FAT1: variants seen among roughly 807,000 people sequenced by gnomAD.
FAT1 encodes the protein FAT atypical cadherin 1.
FAT1 carries 171 observed loss-of-function variants against 329.8 expected under a neutral mutation model. That is an observed-to-expected ratio of 0.52 (90% CI 0.46 to 0.59). The LOEUF (loss-of-function observed/expected upper bound fraction) is 0.59, where lower values mean the gene tolerates loss of function less well. Ranked by LOEUF, FAT1 falls within the 20% of genes least tolerant of loss-of-function variation. The pLI, the probability that FAT1 is intolerant of heterozygous loss-of-function variation, is 0.00. For synonymous variants in FAT1, 2,233 were observed against 2,228.6 expected (o/e 1.00, Z -0.06); for missense variants, 5,672 against 5,774.4 (o/e 0.98, Z 0.57).
rs1744854758 is a variant in FAT1, at chr4:186,709,691, T to C, written c.137A>G (p.Asn46Ser). ...HLEYNVTVQE[N>S]SAAKTYVGHP... is the part of the protein sequence containing the mutation. ...CCCCACATAAGTCTTAGCTGCAGAG[T>C]TCTCCTGCACGGTGACGTTGTACTC... The change falls in exon 2 of 27, where the codon AAC becomes AGC. Residue 46 changes from asparagine to serine, a missense_variant. Physicochemically the swap from Asn to Ser is conservative, Grantham distance 46 (BLOSUM62 1). Around this residue, in one of 2 missense-constraint regions of FAT1, gnomAD observed 3,966 missense variants for 3,915.2 expected, o/e 1.01. Transcript: ENST00000441802. 1 of 1,613,974 alleles carries C rather than the reference T, an allele frequency of 6.2e-7. No individual in the cohort carries two copies. Among genetic ancestry groups the C allele is most frequent in the Admixed American group, 1.7e-5 (1 of 60,026 alleles).
chr4:186,720,391 G>A (rs375652897), intron 1 of FAT1, among the ~76,000 whole-genome samples: 11 of 149,322 alleles, frequency 7.4e-5, no homozygotes, highest in Middle Eastern at 3.2e-3. Context: ...ACAAAAAAAA[G>A]AAGCCAATCC....
chr4:186,718,609 G>A (rs1745327321), intron 1 of FAT1, among the ~76,000 whole-genome samples: 1 of 152,230 alleles, frequency 6.6e-6, no homozygotes, highest in African/African-American at 2.4e-5. Flanking sequence ...GGAGCTTGCA[G>A]TGAGCCGAGA....
At chr4:186,627,298 C>T (rs1740357488) in intron 9 of FAT1, among the ~76,000 whole-genome samples, 1 of 149,924 alleles carries the variant, frequency 6.7e-6, no homozygotes, top group Non-Finnish European at 1.5e-5. Context: ...AAGCGAGCTT[C>T]ATCAGCCGAC....
chr4:186,691,042 C>T (rs1226536506), intron 2 of FAT1, among the ~76,000 whole-genome samples: 1 of 152,120 alleles, frequency 6.6e-6, no homozygotes, highest in East Asian at 1.9e-4. Context: ...TGCTTTTGAC[C>T]TGTTATACTA....
chr4:186,718,616 G>A (rs529094234), intron 1 of FAT1, among the ~76,000 whole-genome samples: 11 of 152,290 alleles, frequency 7.2e-5, no homozygotes, highest in African/African-American at 2.6e-4. Flanking sequence ...GCAGTGAGCC[G>A]AGATTGCGCC....
chr4:186,696,841 C>T (rs1184463276), intron 2 of FAT1, among the ~76,000 whole-genome samples: 6 of 152,188 alleles, frequency 3.9e-5, no homozygotes, highest in East Asian at 3.9e-4. Context: ...CTGGCCAACA[C>T]AGCAAAAACT....
rs182366157 is a variant in FAT1 at position 186,625,981 on chromosome 4, C to A, written c.4810+2173G>T. 8.0e-3 allele frequency among the ~76,000 whole-genome samples: 1,197 copies of A among 148,714 alleles called. 11 individuals are homozygous for A. The highest frequency in any genetic ancestry group is 0.014 in the Middle Eastern group (4 of 278). On this transcript the variant is annotated intron_variant, in intron 9 of 26. Transcript: ENST00000441802. ...GAATGAATGAGGGACCAACATGGCA[C>A]CTGGCACATAAAGTGAGCTTCATCA...
At chr4:186,688,264 G>A (rs1178177261) in intron 2 of FAT1, among the ~76,000 whole-genome samples, 1 of 151,938 alleles carries the variant, frequency 6.6e-6, no homozygotes, top group African/African-American at 2.4e-5. Context: ...ATGGCAAGAT[G>A]CACCTTCGGT....
intron 3 of FAT1, among the ~76,000 whole-genome samples, chr4:186,658,925 C>T (rs527985986): frequency 9.9e-5 from 15 of 152,230 alleles, no homozygotes; most frequent in South Asian, 4.1e-4. Flanking sequence ...TTGTAGATGA[C>T]GAACTTTCAA....
rs371987938 is a variant in FAT1, at chr4:186,645,968, T to TACACACACAC, written c.3581-6195_3581-6186dup. 5.6e-4 allele frequency among the ~76,000 whole-genome samples: 59 copies of TACACACACAC among 105,226 alleles called. 1 individual carries two copies. The highest frequency in any genetic ancestry group is 7.0e-4 in the African/African-American group (18 of 25,732). 69.0% of individuals were successfully genotyped at this position (105,226 alleles called of 152,430 possible). A position where few individuals can be genotyped will look rare whatever the true frequency, so the allele number is the denominator to read the frequency against. ...CACAAAAAAAAAAAAAAAAAATATATACACACACACACACACACACACACA... is the reference window on the plus strand; with the variant it reads ...CACAAAAAAAAAAAAAAAAAATATATACACACACACACACACACACACACACACACACACA... On this transcript the variant is annotated intron_variant, in intron 3 of 26. Coordinates refer to ENST00000441802, the MANE Select transcript of FAT1 (RefSeq NM_005245.4).
chr4:186,693,220 C>T (rs1743870837), intron 2 of FAT1, among the ~76,000 whole-genome samples: 1 of 152,130 alleles, frequency 6.6e-6, no homozygotes, highest in Non-Finnish European at 1.5e-5. Flanking sequence ...TTTTCACAAG[C>T]CTTTATATAG....
In FAT1 at chr4:186,708,448, G is replaced by A. The variant is rs375478149; in HGVS notation, c.1380C>T (p.Pro460=). 1.9e-5 allele frequency: 30 copies of A among 1,613,834 alleles called. No homozygotes were observed. Among genetic ancestry groups the A allele is most frequent in the Non-Finnish European group, 2.5e-5 (29 of 1,179,902 alleles). The change falls in exon 2 of 27, where the codon CCC becomes CCT. Residue 460 remains proline, a synonymous_variant. Transcript: ENST00000441802. ...TGTACGCTGTCTGGGTAAATTCAGGGGGATTGCTATTTGCACCTAAGACTT... is the reference window on the plus strand; with the variant it reads ...TGTACGCTGTCTGGGTAAATTCAGGAGGATTGCTATTTGCACCTAAGACTT... ...LVKVLGANSN[P]PEFTQTAYKA...
At chr4:186,608,751 C>T (rs1159138276) in intron 16 of FAT1, among the ~76,000 whole-genome samples, 1 of 152,150 alleles carries the variant, frequency 6.6e-6, no homozygotes, top group Non-Finnish European at 1.5e-5. Flanking sequence ...TCTCACTCTG[C>T]TTTCTTCTTA....
chr4:186,614,793 G>C (rs1262363779), intron 11 of FAT1, among the ~76,000 whole-genome samples: 1 of 122,592 alleles, frequency 8.2e-6, no homozygotes, highest in African/African-American at 4.1e-5. Flanking sequence ...AACTGCAGTT[G>C]AGAGAGAAGC....
chr4:186,725,792 G>T (rs189050624), upstream of FAT1, among the ~76,000 whole-genome samples: 1 of 152,304 alleles, frequency 6.6e-6, no homozygotes, highest in African/African-American at 2.4e-5. The surrounding 1 kb of genome is among the most constrained non-coding windows in gnomAD (Gnocchi z 5.4). Flanking sequence ...ATTAGGGAGG[G>T]GGTTGGGGAG....
Position 186,599,898 on chromosome 4 carries a change from C to T in FAT1, c.12103G>A (p.Gly4035Ser), listed in dbSNP as rs1738712808. Residue 4035 changes from glycine (G) to serine (S), a missense_variant and splice_region_variant, in exon 22 of 27, where the codon GGT becomes AGT. By Grantham distance (56) the Gly-to-Ser change is moderately conservative. Around this residue, in one of 2 missense-constraint regions of FAT1, gnomAD observed 1,706 missense variants for 1,859.1 expected, o/e 0.92. Coordinates refer to ENST00000441802, the MANE Select transcript of FAT1 (RefSeq NM_005245.4). ...AAGATGGCAACATTACGGAGCCCAC[C>T]TCCAGCAGGTGACGGATTGCAAACG... ...GGVCNPSPAG[G>S]YYCKCSALYI... The T allele has an allele frequency of 6.2e-7, 1 of 1,606,984 alleles. No individual in the cohort carries two copies. The highest frequency in any genetic ancestry group is 1.1e-5 in the South Asian group (1 of 90,754).
intron 3 of FAT1, among the ~76,000 whole-genome samples, chr4:186,643,337 C>T (rs77069221): frequency 0.12 from 18,531 of 152,202 alleles, 1,598 homozygotes; most frequent in East Asian, 0.34. Context: ...GCGGAGAACA[C>T]GTAAGATATT....
At position 186,603,303 on chromosome 4, in the gene FAT1, C is replaced by T. The variant is rs779927281; in HGVS notation, c.11223G>A (p.Leu3741=). ...CATCGCAGAACTTCCAGGGGCAGTCCAGTCCCGCGCAGAGTTTCTGGAATA... is the reference window on the plus strand; with the variant it reads ...CATCGCAGAACTTCCAGGGGCAGTCTAGTCCCGCGCAGAGTTTCTGGAATA... ...LNVFQKLCAG[L]DCPWKFCDEK... Residue 3741 remains leucine (L), a synonymous_variant, in exon 19 of 27, where the codon CTG becomes CTA. Coordinates refer to ENST00000441802, the MANE Select transcript of FAT1 (RefSeq NM_005245.4). 9 of 1,613,838 alleles carry T rather than the reference C, an allele frequency of 5.6e-6. No individual in the cohort carries two copies. Among genetic ancestry groups the T allele is most frequent in the African/African-American group, 1.3e-5 (1 of 74,906 alleles).
At chr4:186,650,450 G>C (rs1741584950) in intron 3 of FAT1, among the ~76,000 whole-genome samples, 1 of 130,592 alleles carries the variant, frequency 7.7e-6, no homozygotes, top group Non-Finnish European at 1.8e-5. Context: ...TAAGGACCAA[G>C]ACAGAACAGA....
Sources: gnomAD v4.1 joint callset for allele counts (sites outside exome capture counted in the v4.1 genomes callset) on GRCh38, gnomAD v4.1.1 for gene constraint, gnomAD v4.1.1 regional missense constraint, Gnocchi (gnomAD v3.1) non-coding constraint, MANE v1.5 for transcripts, NCBI Gene and HGNC (gene_info 2026-07-23, HGNC 2026-07-21) for gene names.